SMIM8: variants seen among roughly 807,000 people sequenced by gnomAD.
SMIM8 encodes small integral membrane protein 8.
Under a neutral mutation model 8.1 loss-of-function variants are expected in SMIM8, and 8 were observed. The observed-to-expected ratio is 0.99, with a 90% confidence interval of 0.58 to 1.78. The LOEUF (loss-of-function observed/expected upper bound fraction) is 1.78, where lower values mean the gene tolerates loss of function less well. Ranked by LOEUF, SMIM8 falls within the 40% of genes most tolerant of loss-of-function variation. The pLI, the probability that SMIM8 is intolerant of heterozygous loss-of-function variation, is 0.00. For missense variants in SMIM8, 126 were observed against 119.8 expected (o/e 1.05, Z -0.24); for synonymous variants, 45 against 39.7 (o/e 1.13, Z -0.50).
At chr6:87,336,868 CA>C in intron 2 of SMIM8, 140 bp from the exon 3 acceptor site, 1 of 543,154 alleles carries the variant, frequency 1.8e-6, no homozygotes, top group Non-Finnish European at 3.0e-6. Flanking sequence ...GTACATTATA[CA>C]AAGTAATAAG....
intron 3 of SMIM8, among the ~76,000 whole-genome samples, 183 bp downstream of exon 3, chr6:87,337,349 A>T (rs1284047594): frequency 6.6e-6 from 1 of 152,272 alleles, no homozygotes; most frequent in African/African-American, 2.4e-5. Context: ...CACATATAAA[A>T]GTAAATATTT....
At chr6:87,331,775 T>A (rs1777001070) in intron 2 of SMIM8, among the ~76,000 whole-genome samples, 1 of 152,130 alleles carries the variant, frequency 6.6e-6, no homozygotes, top group African/African-American at 2.4e-5. Flanking sequence ...GGAGAATTGT[T>A]GTATCATCAG....
intron 1 of SMIM8, among the ~76,000 whole-genome samples, chr6:87,325,116 T>G (rs914016961): frequency 5.9e-5 from 9 of 152,220 alleles, no homozygotes; most frequent in Non-Finnish European, 1.2e-4. Flanking sequence ...ACATTGATTT[T>G]GTATCCTGAG....
At chr6:87,324,453 G>A (rs1249962324) in intron 1 of SMIM8, among the ~76,000 whole-genome samples, 2 of 150,648 alleles carry the variant, frequency 1.3e-5, no homozygotes, top group South Asian at 4.2e-4. Flanking sequence ...TGTATAAGGT[G>A]TAAGGAAGGG....
chr6:87,340,049 A>G (rs889173443), intron 3 of SMIM8, 67 bp from the exon 4 acceptor site: 48 of 1,340,130 alleles, frequency 3.6e-5, no homozygotes, highest in Non-Finnish European at 4.5e-5. Context: ...GGAAAGTGCA[A>G]CCGATATTTG....
intron 1 of SMIM8, among the ~76,000 whole-genome samples, chr6:87,323,706 G>A (rs1244491978): frequency 6.6e-6 from 1 of 152,154 alleles, no homozygotes; most frequent in Admixed American, 6.5e-5. Context: ...CCAGGTCTTT[G>A]CTATTGTGAA....
rs771052670 is a variant in SMIM8, at chr6:87,340,096, A to G, written c.136-20A>G. On this transcript the variant is annotated intron_variant, in intron 3 of 3. Transcript: ENST00000392863. ...ATTGTTAGTCTTACTAAAGCTTTATAATTTTTTTTTCTTTGACAGAACAAA... is the reference window on the plus strand; with the variant it reads ...ATTGTTAGTCTTACTAAAGCTTTATGATTTTTTTTTCTTTGACAGAACAAA... 1 of 1,523,548 alleles carries G rather than the reference A, an allele frequency of 6.6e-7. No individual in the cohort carries two copies. The highest frequency in any genetic ancestry group is 2.3e-5 in the Admixed American group (1 of 43,112). The allele number at this position is 1,523,548 out of a possible 1,614,324, so 94.4% of individuals were successfully genotyped here. A position where few individuals can be genotyped will look rare whatever the true frequency, so the allele number is the denominator to read the frequency against.
At chr6:87,332,768 A>AC (rs368122177) in intron 2 of SMIM8, among the ~76,000 whole-genome samples, 118 of 26,040 alleles carry the variant, frequency 4.5e-3, no homozygotes, top group African/African-American at 0.023. Context: ...AATGACTTTT[A>AC]CCTTTGTATA....
At position 87,336,352 on chromosome 6, in the gene SMIM8, T is replaced by G. The variant is rs149135697; in HGVS notation, c.-23-657T>G. 9.2e-5 allele frequency among the ~76,000 whole-genome samples: 14 copies of G among 152,284 alleles called. No individual in the cohort carries two copies. In the East Asian group the frequency reaches 2.7e-3, roughly 29 times the overall value. On this transcript the variant is annotated intron_variant, in intron 2 of 3. Coordinates refer to ENST00000392863, the MANE Select transcript of SMIM8 (RefSeq NM_001042493.3). Reference sequence around the variant, plus strand: ...AGACAAAAGACACACTTGGATTTAATAGGATAGATTTACAGTAGCTAAGAT... The same window carrying G: ...AGACAAAAGACACACTTGGATTTAAGAGGATAGATTTACAGTAGCTAAGAT...
At chr6:87,339,879 G>T (rs985950469) in intron 3 of SMIM8, among the ~76,000 whole-genome samples, 5 of 152,156 alleles carry the variant, frequency 3.3e-5, no homozygotes, top group Non-Finnish European at 7.3e-5. Flanking sequence ...GATGTCCAGG[G>T]TGTAGATGGG....
At chr6:87,340,078 G>A in intron 3 of SMIM8, 38 bp from the exon 4 acceptor site, 1 of 1,465,770 alleles carries the variant, frequency 6.8e-7, no homozygotes, top group Non-Finnish European at 9.0e-7. Context: ...CAAATTGTTA[G>A]TCTTACTAAA....
chr6:87,328,386 T>C (rs1353349368), intron 1 of SMIM8, among the ~76,000 whole-genome samples: 1 of 152,100 alleles, frequency 6.6e-6, no homozygotes, highest in African/African-American at 2.4e-5. Flanking sequence ...TGTGGTTTTA[T>C]CTACTTTTTG....
chr6:87,337,020 T>A lies in SMIM8; in HGVS notation c.-12T>A, dbSNP rs1777127219. On this transcript the variant is annotated 5_prime_UTR_variant, in exon 3 of 4. Transcript: ENST00000392863. ...TATTTTGTTTTTAGATAATAAATCA[T>A]CATTGATCAAGATGTCTTCAGCACC... 8 of 1,582,360 alleles carry A rather than the reference T, an allele frequency of 5.1e-6. No individual in the cohort carries two copies. Among genetic ancestry groups the A allele is most frequent in the Non-Finnish European group, 6.8e-6 (8 of 1,168,838 alleles).
intron 1 of SMIM8, among the ~76,000 whole-genome samples, chr6:87,328,539 A>T (rs543752265): frequency 1.3e-5 from 2 of 150,404 alleles, no homozygotes; most frequent in African/African-American, 5.0e-5. Flanking sequence ...CCCCTGCTGG[A>T]GGCTGCCTCC....
chr6:87,326,153 C>T lies in SMIM8; in HGVS notation c.-45+3521C>T, dbSNP rs550397053. ...TTTATTGCGTCTATTTGATTCTTCTCTCTTTTTATCTTTATTAGTCTTGCT... is the reference window on the plus strand; with the variant it reads ...TTTATTGCGTCTATTTGATTCTTCTTTCTTTTTATCTTTATTAGTCTTGCT... On this transcript the variant is annotated intron_variant, in intron 1 of 3. Coordinates refer to ENST00000392863, the MANE Select transcript of SMIM8 (RefSeq NM_001042493.3). Among the ~76,000 whole-genome samples the T allele has an allele frequency of 5.6e-4, 85 of 152,296 alleles. No individual in the cohort carries two copies. The South Asian group carries it at 0.013, about 23-fold the overall frequency.
intron 1 of SMIM8, chr6:87,322,915 C>G (rs573395810): frequency 1.1e-4 from 17 of 152,344 alleles, no homozygotes; most frequent in African/African-American, 4.1e-4. Context: ...ACCCCCACCC[C>G]GAGAACTCTC....
At chr6:87,336,285 A>G (rs192676228) in intron 2 of SMIM8, among the ~76,000 whole-genome samples, 9 of 152,322 alleles carry the variant, frequency 5.9e-5, no homozygotes, top group Admixed American at 3.9e-4. Context: ...TAGAAGAGAA[A>G]AATACTCCCA....
Position 87,341,514 on chromosome 6 carries a change from T to G in SMIM8, c.*1240T>G. ...CTAGATATATACCTAATTCTCCAAA[T>G]CATTGTCATTGGGCCTCAGTAGTAA... On this transcript the variant is annotated 3_prime_UTR_variant, in exon 4 of 4. Transcript: ENST00000392863. 2 of 381,722 alleles carry G rather than the reference T, an allele frequency of 5.2e-6. No homozygotes were observed. Among genetic ancestry groups the G allele is most frequent in the Non-Finnish European group, 9.3e-6 (2 of 216,146 alleles). The allele number at this position is 381,722 out of a possible 1,614,324, so 23.6% of individuals were successfully genotyped here.
rs548130522 is a variant in SMIM8, at chr6:87,342,042, T to C, written c.*1768T>C. 4 of 152,358 alleles carry C rather than the reference T, an allele frequency of 2.6e-5. No individual in the cohort carries two copies. In the East Asian group the frequency reaches 7.7e-4, roughly 29 times the overall value. 9.4% of individuals were successfully genotyped at this position (152,358 alleles called of 1,614,324 possible). A position where few individuals can be genotyped will look rare whatever the true frequency, so the allele number is the denominator to read the frequency against. On this transcript the variant is annotated 3_prime_UTR_variant, in exon 4 of 4. Coordinates refer to ENST00000392863, the MANE Select transcript of SMIM8 (RefSeq NM_001042493.3). The stretch of plus-strand genomic sequence containing the variant: ...TGCAGTGCAGGAGGGCAACAGAAAC[T>C]GTACAAGGTGCAGACTTGAGTCATG...
Sources: allele counts gnomAD v4.1 joint callset (sites outside exome capture counted in the v4.1 genomes callset), GRCh38; gene constraint gnomAD v4.1.1; transcripts MANE v1.5; gene names NCBI Gene and HGNC (gene_info 2026-07-23, HGNC 2026-07-21).